Variants in SLC4A4 observed in about 807,000 individuals in gnomAD.
The protein encoded by SLC4A4 is solute carrier family 4 member 4.
SLC4A4 carries 27 observed loss-of-function variants against 111.5 expected under a neutral mutation model. That is an observed-to-expected ratio of 0.24 (90% CI 0.18 to 0.33). SLC4A4 has a LOEUF of 0.33. SLC4A4 is among the 10% of genes least tolerant of loss of function. The pLI, the probability that SLC4A4 is intolerant of heterozygous loss-of-function variation, is 1.00. For missense variants in SLC4A4, 909 were observed against 1,315.5 expected (o/e 0.69, Z 4.78); for synonymous variants, 443 against 463.4 (o/e 0.96, Z 0.57).
intron 3 of SLC4A4, among the ~76,000 whole-genome samples, chr4:71,321,938 A>G (rs1029639003): frequency 4.6e-5 from 7 of 152,010 alleles, no homozygotes; most frequent in Admixed American, 3.9e-4. Context: ...GATCTGTTAT[A>G]TTTATTTTTT....
At chr4:71,315,875 T>A (rs1484066598) in intron 3 of SLC4A4, among the ~76,000 whole-genome samples, 2 of 152,126 alleles carry the variant, frequency 1.3e-5, no homozygotes, top group African/African-American at 4.8e-5. Flanking sequence ...TTTGAGTTAA[T>A]CACTGAGGGA....
intron 1 of SLC4A4, among the ~76,000 whole-genome samples, chr4:71,086,608 G>A (rs867254669): frequency 1.3e-5 from 2 of 152,010 alleles, no homozygotes; most frequent in African/African-American, 2.4e-5. Flanking sequence ...AGAGTTTTTA[G>A]CATGAAGGGT....
chr4:71,357,378 A>G (rs1730374828), intron 6 of SLC4A4, among the ~76,000 whole-genome samples, 191 bp downstream of exon 6: 1 of 152,170 alleles, frequency 6.6e-6, no homozygotes, highest in African/African-American at 2.4e-5. Flanking sequence ...AGATTTCCAC[A>G]ATTGTTGTAG....
At chr4:71,340,301 TC>T (rs1326056094) in intron 4 of SLC4A4, among the ~76,000 whole-genome samples, 1 of 152,192 alleles carries the variant, frequency 6.6e-6, no homozygotes, top group East Asian at 1.9e-4. Flanking sequence ...CCCAAGGTTA[TC>T]CACAGTTTAG....
intron 3 of SLC4A4, among the ~76,000 whole-genome samples, chr4:71,332,350 C>A (rs78980344): frequency 0.013 from 2,017 of 152,096 alleles, 49 homozygotes; most frequent in African/African-American, 0.046. Flanking sequence ...TCTCTTTATG[C>A]CAATAACCCT....
chr4:71,255,612 A>G (rs1721390417), intron 3 of SLC4A4, among the ~76,000 whole-genome samples: 1 of 152,154 alleles, frequency 6.6e-6, no homozygotes, highest in Non-Finnish European at 1.5e-5. Flanking sequence ...TTGATCAGAA[A>G]AGGCCTGACT....
At chr4:71,214,164 T>C (rs1206206392) in intron 1 of SLC4A4, among the ~76,000 whole-genome samples, 1 of 152,304 alleles carries the variant, frequency 6.6e-6, no homozygotes, top group East Asian at 1.9e-4. Context: ...GAACTGATCC[T>C]GTACCGAGGG....
At chr4:71,322,359 CAG>C (rs1727178985) in intron 3 of SLC4A4, among the ~76,000 whole-genome samples, 1 of 151,952 alleles carries the variant, frequency 6.6e-6, no homozygotes, top group Non-Finnish European at 1.5e-5. Flanking sequence ...TGCATTTTGA[CAG>C]AGAGTCTATA....
At chr4:71,522,839 A>G (rs1733076290) in intron 16 of SLC4A4, among the ~76,000 whole-genome samples, 1 of 152,240 alleles carries the variant, frequency 6.6e-6, no homozygotes, top group African/African-American at 2.4e-5. Context: ...ATAATGCAGA[A>G]TGTTCTTTGA....
At chr4:71,517,761 G>A (rs1732542894) in intron 16 of SLC4A4, among the ~76,000 whole-genome samples, 1 of 152,186 alleles carries the variant, frequency 6.6e-6, no homozygotes, top group South Asian at 2.1e-4. Flanking sequence ...TCTTTGTCTG[G>A]AAAAGTTTTT....
intron 2 of SLC4A4, among the ~76,000 whole-genome samples, chr4:71,116,770 C>A (rs1443149277): frequency 1.3e-5 from 2 of 152,064 alleles, no homozygotes; most frequent in Non-Finnish European, 1.5e-5. Context: ...ATGGAGAAAT[C>A]CTGTCTCTAC....
At chr4:71,081,027 CA>C (rs1210481819) in intron 1 of SLC4A4, among the ~76,000 whole-genome samples, 1 of 152,040 alleles carries the variant, frequency 6.6e-6, no homozygotes, top group Non-Finnish European at 1.5e-5. Context: ...CAGAGGGAGG[CA>C]AAACCATCAG....
intron 2 of SLC4A4, among the ~76,000 whole-genome samples, chr4:71,130,272 T>A (rs1334417413): frequency 1.3e-5 from 2 of 152,110 alleles, no homozygotes; most frequent in Non-Finnish European, 2.9e-5. Flanking sequence ...CGCTATTGCT[T>A]GGGTGGGGGT....
chr4:71,335,119 T>C (rs1728328427), intron 3 of SLC4A4, among the ~76,000 whole-genome samples: 1 of 152,148 alleles, frequency 6.6e-6, no homozygotes, highest in Non-Finnish European at 1.5e-5. Flanking sequence ...TTGGGTACTA[T>C]TCTTATTACC....
chr4:71,335,692 G>T (rs1175102793), intron 3 of SLC4A4, among the ~76,000 whole-genome samples: 2 of 152,084 alleles, frequency 1.3e-5, no homozygotes, highest in Non-Finnish European at 2.9e-5. Flanking sequence ...GGGCATTGTG[G>T]TGGGTGCCTG....
At chr4:71,330,276 C>T (rs11930625) in intron 3 of SLC4A4, among the ~76,000 whole-genome samples, 147,698 of 152,284 alleles carry the variant, frequency 0.97, 71,803 homozygotes, top group Middle Eastern at 1. Flanking sequence ...TTTTCCTTTT[C>T]TGATTTGCCT....
intron 2 of SLC4A4, among the ~76,000 whole-genome samples, chr4:71,152,091 C>T (rs1437132606): frequency 2.6e-5 from 4 of 151,880 alleles, no homozygotes; most frequent in Admixed American, 2.6e-4. Context: ...TAATGTGTAT[C>T]TATAAATAAT....
chr4:71,307,952 G>A (rs1247057780), intron 3 of SLC4A4, among the ~76,000 whole-genome samples: 1 of 152,104 alleles, frequency 6.6e-6, no homozygotes, highest in East Asian at 1.9e-4. Flanking sequence ...CTATGGCACT[G>A]CCCTAGATAG....
At chr4:71,261,499 T>A (rs1191105863) in intron 3 of SLC4A4, among the ~76,000 whole-genome samples, 2 of 152,220 alleles carry the variant, frequency 1.3e-5, no homozygotes, top group South Asian at 2.1e-4. Flanking sequence ...TTTGGCATAC[T>A]TGTGTTTTTG....
Sources: allele counts gnomAD v4.1 joint callset (sites outside exome capture counted in the v4.1 genomes callset), GRCh38; gene constraint gnomAD v4.1.1; transcripts MANE v1.5; gene names NCBI Gene and HGNC (gene_info 2026-07-23, HGNC 2026-07-21).